The following PLEKHD1 variants were observed in gnomAD, a reference collection of about 807,000 sequenced individuals.
PLEKHD1 encodes pleckstrin homology domain-containing family D member 1.
PLEKHD1 carries 51 observed loss-of-function variants against 69.2 expected under a neutral mutation model. The ratio of observed to expected loss-of-function variants is 0.74; its 90% CI spans 0.59 to 0.93. PLEKHD1 has a LOEUF of 0.93. Among genes scored for constraint, PLEKHD1 ranks in the 40% least tolerant of loss-of-function variants. The pLI is 0.00. For synonymous variants in PLEKHD1, 236 were observed against 244.7 expected (o/e 0.96, Z 0.33); for missense variants, 584 against 641.0 (o/e 0.91, Z 0.96).
intron 5 of PLEKHD1, 56 bp from the exon 6 acceptor site, chr14:69,502,771 C>T (rs1883058670): frequency 1.3e-6 from 2 of 1,548,268 alleles, no homozygotes; most frequent in Admixed American, 3.9e-5. Context: ...CCCTCAGGAC[C>T]TCAGAGCACT....
At chr14:69,490,095 T>C (rs1882743866) in intron 1 of PLEKHD1, among the ~76,000 whole-genome samples, 1 of 152,234 alleles carries the variant, frequency 6.6e-6, no homozygotes, top group African/African-American at 2.4e-5. Context: ...CTCAAACTCC[T>C]GACCTCAGGT....
the PLEKHD1 span, among the ~76,000 whole-genome samples, chr14:69,477,704 C>A: frequency 4.6e-5 from 7 of 152,246 alleles, no homozygotes; most frequent in African/African-American, 1.7e-4. Context: ...AATCTTAGAG[C>A]TCCAAAACGA....
rs975215649 is a variant in PLEKHD1, at chr14:69,530,440, G to A, written c.*2021G>A. 2.0e-5 allele frequency: 3 copies of A among 152,150 alleles called. No homozygotes were observed. Among genetic ancestry groups the A allele is most frequent in the Non-Finnish European group, 4.4e-5 (3 of 68,040 alleles). 9.4% of individuals were successfully genotyped at this position (152,150 alleles called of 1,614,324 possible). A position where few individuals can be genotyped will look rare whatever the true frequency, so the allele number is the denominator to read the frequency against. On this transcript the variant is annotated 3_prime_UTR_variant, in exon 13 of 13. Coordinates refer to ENST00000322564, the MANE Select transcript of PLEKHD1 (RefSeq NM_001161498.2). ...ACTTGTTTCTCTAACACGTATGAAG[G>A]ATGAACTTTGAATTGAAGGGGAATA...
At chr14:69,502,727 CTGG>C in intron 5 of PLEKHD1, 97 bp from the exon 6 acceptor site, 1 of 1,461,254 alleles carries the variant, frequency 6.8e-7, no homozygotes, top group East Asian at 2.5e-5. Context: ...TTGGGAGATG[CTGG>C]GGGTGACAGC....
chr14:69,490,195 G>C (rs1177387458), intron 1 of PLEKHD1, among the ~76,000 whole-genome samples: 1 of 152,172 alleles, frequency 6.6e-6, no homozygotes, highest in Non-Finnish European at 1.5e-5. Flanking sequence ...CAACGTTTTT[G>C]GCACCAGGTG....
upstream of PLEKHD1, among the ~76,000 whole-genome samples, chr14:69,479,973 G>A (rs894051827): frequency 2.1e-4 from 32 of 152,274 alleles, no homozygotes; most frequent in East Asian, 5.8e-4. Context: ...GAGGCTAAGC[G>A]AGGACAAACC....
chr14:69,511,698 C>A (rs60464619), intron 6 of PLEKHD1, among the ~76,000 whole-genome samples: 1 of 151,896 alleles, frequency 6.6e-6, no homozygotes, highest in Non-Finnish European at 1.5e-5. Flanking sequence ...TACAGGTGTG[C>A]GCCACCATAC....
chr14:69,476,900 TG>T, the PLEKHD1 span, among the ~76,000 whole-genome samples: 1 of 152,336 alleles, frequency 6.6e-6, no homozygotes, highest in Non-Finnish European at 1.5e-5. Context: ...TCCATGCGGC[TG>T]GGGAAGCCTC....
chr14:69,527,224 C>G lies in PLEKHD1; in HGVS notation c.1093C>G (p.Leu365Val). ...VKVRMDLERR[L>V]REAEGALRSL... Reference sequence around the variant, plus strand: ...GGTCCGCATGGACCTGGAGAGGCGTCTCCGGGAGGCAGAAGGGGCCTTGCG... The same window carrying G: ...GGTCCGCATGGACCTGGAGAGGCGTGTCCGGGAGGCAGAAGGGGCCTTGCG... The change falls in exon 11 of 13, where the codon CTC becomes GTC. Residue 365 changes from leucine (L) to valine (V), a missense_variant. Leu to Val is a conservative substitution (Grantham distance 32, BLOSUM62 1). Transcript: ENST00000322564. 1 of 1,551,586 alleles carries G rather than the reference C, an allele frequency of 6.4e-7. No individual in the cohort carries two copies. The highest frequency in any genetic ancestry group is 8.7e-7 in the Non-Finnish European group (1 of 1,146,930).
chr14:69,528,308 A>G lies in PLEKHD1; in HGVS notation c.1410A>G (p.Leu470=). The change falls in exon 13 of 13, where the codon CTA becomes CTG. Residue 470 remains leucine, a synonymous_variant. Coordinates refer to ENST00000322564, the MANE Select transcript of PLEKHD1 (RefSeq NM_001161498.2). ...TGGATGCCAACAACATGGAGGAGCT[A>G]AAGGAGGTGGCCAAGCGGCTCAGCA... The part of the protein sequence containing the change: ...SQLDANNMEE[L]KEVAKRLSRD... 3 of 1,551,708 alleles carry G rather than the reference A, an allele frequency of 1.9e-6. No individual in the cohort carries two copies. Among genetic ancestry groups the G allele is most frequent in the Non-Finnish European group, 1.7e-6 (2 of 1,146,988 alleles).
chr14:69,529,136 C>T lies in PLEKHD1; in HGVS notation c.*717C>T, dbSNP rs1273257069. 2.0e-5 allele frequency: 3 copies of T among 152,348 alleles called. No individual in the cohort carries two copies. Among genetic ancestry groups the T allele is most frequent in the Non-Finnish European group, 4.4e-5 (3 of 68,194 alleles). 9.4% of individuals were successfully genotyped at this position (152,348 alleles called of 1,614,324 possible). On this transcript the variant is annotated 3_prime_UTR_variant, in exon 13 of 13. Coordinates refer to ENST00000322564, the MANE Select transcript of PLEKHD1 (RefSeq NM_001161498.2). The stretch of plus-strand genomic sequence containing the variant: ...GTGAGCTCACTCACAGCCTTGGCAC[C>T]CTGCAAGGGTAGAATGATGGCACCA...
At chr14:69,480,651 A>AT (rs563414821), upstream of PLEKHD1, among the ~76,000 whole-genome samples, 313 of 140,424 alleles carry the variant, frequency 2.2e-3, 1 homozygote, top group African/African-American at 6.9e-3. Context: ...TGTGTATAAG[A>AT]TTTTTTTTTT....
At chr14:69,474,781 A>G in the PLEKHD1 span, among the ~76,000 whole-genome samples, 2 of 152,244 alleles carry the variant, frequency 1.3e-5, no homozygotes, top group African/African-American at 4.8e-5. Flanking sequence ...AAAGCCAGAA[A>G]AGAACATGCT....
At chr14:69,527,633 A>G (rs1883686267) in intron 11 of PLEKHD1, 150 bp from the exon 12 acceptor site, 2 of 1,075,514 alleles carry the variant, frequency 1.9e-6, no homozygotes, top group Admixed American at 5.4e-5. Context: ...AAAGGCAAAG[A>G]AAGTCCCCTT....
Position 69,526,795 on chromosome 14 carries a change from C to T in PLEKHD1, c.1022C>T (p.Thr341Met), listed in dbSNP as rs759445994. ...QALQNSLQELTAEKQQAEREL... is the reference protein window; with the variant it reads ...QALQNSLQELMAEKQQAEREL... ...CTGCAGAACTCGCTGCAGGAGCTGACGGCAGAGAAGCAGCAGGCTGAGCGG... is the reference window on the plus strand; with the variant it reads ...CTGCAGAACTCGCTGCAGGAGCTGATGGCAGAGAAGCAGCAGGCTGAGCGG... The change falls in exon 10 of 13, where the codon ACG becomes ATG. Residue 341 changes from threonine to methionine, a missense_variant. Coordinates refer to ENST00000322564, the MANE Select transcript of PLEKHD1 (RefSeq NM_001161498.2). 36 of 1,549,552 alleles carry T rather than the reference C, an allele frequency of 2.3e-5. No individual in the cohort carries two copies. The highest frequency in any genetic ancestry group is 3.3e-4 in the Middle Eastern group (2 of 5,992).
intron 5 of PLEKHD1, 110 bp downstream of exon 5, chr14:69,501,935 A>T: frequency 1.0e-6 from 1 of 988,108 alleles, no homozygotes; most frequent in Non-Finnish European, 1.5e-6. Context: ...AGGTGGGGCT[A>T]TGAGGGAACA....
At chr14:69,476,459 G>A in the PLEKHD1 span, among the ~76,000 whole-genome samples, 10 of 152,066 alleles carry the variant, frequency 6.6e-5, no homozygotes, top group South Asian at 8.3e-4. Context: ...CAGCTACTTG[G>A]GAGGCCGAGG....
chr14:69,491,916 G>A (rs1027065341), intron 1 of PLEKHD1, among the ~76,000 whole-genome samples: 2 of 152,164 alleles, frequency 1.3e-5, no homozygotes, highest in East Asian at 1.9e-4. Flanking sequence ...TTAACATTTC[G>A]ATGAGCCTTG....
In PLEKHD1 at chr14:69,529,043, C is replaced by G. The variant is rs1364726919; in HGVS notation, c.*624C>G. ...GGCTCCTGACATACCACACACCCGCCACAGTGCCGCTTTTCCTGAGCTCAG... is the reference window on the plus strand; with the variant it reads ...GGCTCCTGACATACCACACACCCGCGACAGTGCCGCTTTTCCTGAGCTCAG... On this transcript the variant is annotated 3_prime_UTR_variant, in exon 13 of 13. Coordinates refer to ENST00000322564, the MANE Select transcript of PLEKHD1 (RefSeq NM_001161498.2). The G allele has an allele frequency of 1.3e-5, 2 of 152,898 alleles. No individual in the cohort carries two copies. Among genetic ancestry groups the G allele is most frequent in the Non-Finnish European group, 2.9e-5 (2 of 68,588 alleles). The allele number at this position is 152,898 out of a possible 1,614,324, so 9.5% of individuals were successfully genotyped here.
Sources: gnomAD v4.1 joint callset for allele counts (sites outside exome capture counted in the v4.1 genomes callset) on GRCh38, gnomAD v4.1.1 for gene constraint, MANE v1.5 for transcripts, NCBI Gene and HGNC (gene_info 2026-07-23, HGNC 2026-07-21) for gene names.